The following KCNIP4 variants were observed in gnomAD, a reference collection of about 807,000 sequenced individuals.
KCNIP4 encodes the protein Kv channel-interacting protein 4.
A neutral mutation model predicts 34.0 loss-of-function variants in KCNIP4; 12 were observed. That is an observed-to-expected ratio of 0.35 (90% CI 0.23 to 0.57). The LOEUF is 0.57. KCNIP4 is among the 20% of genes least tolerant of loss of function. The probability of loss-of-function intolerance (pLI) is 0.83; values close to 1 mark genes in which losing one functional copy is unlikely to be tolerated. For missense variants in KCNIP4, 238 were observed against 311.7 expected, an observed-to-expected ratio of 0.76 and a Z score of 1.78; for synonymous variants, 124 against 102.2, an observed-to-expected ratio of 1.21 and a Z score of -1.29.
intron 1 of KCNIP4, among the ~76,000 whole-genome samples, chr4:21,492,003 G>C (rs986121866): frequency 6.6e-6 from 1 of 152,136 alleles, no homozygotes; most frequent in African/African-American, 2.4e-5. Flanking sequence ...CTTAGAAGTG[G>C]CCATTTTACC....
intron 1 of KCNIP4, among the ~76,000 whole-genome samples, chr4:21,319,304 C>G (rs1714128276): frequency 6.6e-6 from 1 of 152,220 alleles, no homozygotes; most frequent in Non-Finnish European, 1.5e-5. Flanking sequence ...TCAGAATGGA[C>G]TTAAGGAATA....
chr4:20,978,051 G>A (rs1047083776), intron 1 of KCNIP4, among the ~76,000 whole-genome samples: 8 of 152,114 alleles, frequency 5.3e-5, no homozygotes, highest in Non-Finnish European at 8.8e-5. Flanking sequence ...AAATCTAAAC[G>A]TTTTTCCAGT....
intron 1 of KCNIP4, among the ~76,000 whole-genome samples, chr4:21,025,558 T>TTG (rs1740476136): frequency 8.3e-6 from 1 of 120,976 alleles, no homozygotes; most frequent in African/African-American, 3.6e-5. Context: ...TTTTTTTTTT[T>TTG]TTTTTTTTTT....
At chr4:21,456,463 T>C (rs972408359) in intron 1 of KCNIP4, among the ~76,000 whole-genome samples, 1 of 148,342 alleles carries the variant, frequency 6.7e-6, no homozygotes, top group African/African-American at 2.6e-5. Flanking sequence ...ATCAATGTAC[T>C]ACCCACCTAT....
chr4:21,762,952 A>C (rs1173716697), intron 1 of KCNIP4: 2 of 1,288,712 alleles, frequency 1.6e-6, no homozygotes, highest in Admixed American at 2.3e-5. Flanking sequence ...CCACTTCCGA[A>C]GTCTCCCTCT....
intron 3 of KCNIP4, among the ~76,000 whole-genome samples, chr4:20,767,664 G>A (rs1755531836): frequency 6.6e-6 from 1 of 152,032 alleles, no homozygotes; most frequent in South Asian, 2.1e-4. Context: ...TTATAATATT[G>A]TCCACTCCAA....
chr4:21,781,294 C>T (rs1446204197), intron 1 of KCNIP4, among the ~76,000 whole-genome samples: 1 of 152,106 alleles, frequency 6.6e-6, no homozygotes, highest in Non-Finnish European at 1.5e-5. Context: ...CTTTCACCTT[C>T]TGCCATAATT....
At chr4:21,719,998 A>AAGG in intron 1 of KCNIP4, among the ~76,000 whole-genome samples, 1 of 84,284 alleles carries the variant, frequency 1.2e-5, no homozygotes, top group Non-Finnish European at 2.1e-5. Flanking sequence ...GGAAGAAGAA[A>AAGG]AGAAAAAGAA....
chr4:21,510,207 C>A (rs1487288847), intron 1 of KCNIP4, among the ~76,000 whole-genome samples: 1 of 150,800 alleles, frequency 6.6e-6, no homozygotes, highest in Non-Finnish European at 1.5e-5. Flanking sequence ...GCCTGTACTT[C>A]AAAAAAAACT....
At chr4:21,845,458 T>C (rs905471708) in intron 1 of KCNIP4, 3 of 152,088 alleles carry the variant, frequency 2.0e-5, no homozygotes, top group Non-Finnish European at 4.4e-5. Flanking sequence ...CAAGAACAGG[T>C]GGTGGGCCAG....
At chr4:21,680,594 C>G (rs186071023) in intron 1 of KCNIP4, among the ~76,000 whole-genome samples, 1 of 152,140 alleles carries the variant, frequency 6.6e-6, no homozygotes, top group African/African-American at 2.4e-5. Context: ...ATGAAAAGTG[C>G]TTCTTCAGTA....
intron 1 of KCNIP4, among the ~76,000 whole-genome samples, chr4:21,198,365 T>C (rs574489392): frequency 1.3e-5 from 2 of 152,292 alleles, no homozygotes; most frequent in Admixed American, 6.5e-5. Context: ...CATAATTTAA[T>C]TGGGAGGGTA....
At chr4:20,918,500 CCT>C (rs948411413) in intron 1 of KCNIP4, among the ~76,000 whole-genome samples, 10 of 151,922 alleles carry the variant, frequency 6.6e-5, no homozygotes, top group Admixed American at 2.0e-4. Context: ...CATTTTATTT[CCT>C]CTGAGAAGAT....
chr4:21,550,585 C>G (rs1251892492), intron 1 of KCNIP4, among the ~76,000 whole-genome samples: 2 of 152,054 alleles, frequency 1.3e-5, no homozygotes, highest in African/African-American at 4.8e-5. Flanking sequence ...TCCTTAAAGG[C>G]TGATAGCATC....
At chr4:21,754,574 A>T (rs1717379629) in intron 1 of KCNIP4, among the ~76,000 whole-genome samples, 1 of 152,192 alleles carries the variant, frequency 6.6e-6, no homozygotes, top group African/African-American at 2.4e-5. Context: ...CCAATACATA[A>T]GCAGTGAAAC....
intron 1 of KCNIP4, among the ~76,000 whole-genome samples, chr4:21,549,550 C>A (rs149076475): frequency 1.7e-4 from 26 of 151,968 alleles, no homozygotes; most frequent in Admixed American, 1.7e-3. Context: ...TCACTAGAAG[C>A]CAAGCAGATG....
Position 21,305,272 on chromosome 4 carries a change from A to T in KCNIP4, c.62-422563T>A, listed in dbSNP as rs140970342. Among the ~76,000 whole-genome samples, 66 of 152,280 alleles carry T rather than the reference A, an allele frequency of 4.3e-4. 1 individual carries two copies. Among genetic ancestry groups the T allele is most frequent in the African/African-American group, 1.5e-3 (64 of 41,560 alleles). Reference sequence around the variant, plus strand: ...TGAGGCAGTGGAGTATAAGTTTAGAATATAAACTCCAGGGACAGACTGCTG... The same window carrying T: ...TGAGGCAGTGGAGTATAAGTTTAGATTATAAACTCCAGGGACAGACTGCTG... On this transcript the variant is annotated intron_variant, in intron 1 of 8. Transcript: ENST00000382152.
intron 1 of KCNIP4, among the ~76,000 whole-genome samples, chr4:21,309,732 G>A (rs1175407167): frequency 6.6e-6 from 1 of 152,100 alleles, no homozygotes; most frequent in Non-Finnish European, 1.5e-5. Flanking sequence ...TCCAGCTCGG[G>A]ATTGAAACCC....
At chr4:21,185,325 G>T (rs372460048) in intron 1 of KCNIP4, among the ~76,000 whole-genome samples, 3 of 151,658 alleles carry the variant, frequency 2.0e-5, no homozygotes, top group African/African-American at 7.3e-5. Context: ...TTGGAATTTC[G>T]TCAGGAGTTT....
Sources: allele counts gnomAD v4.1 joint callset (sites outside exome capture counted in the v4.1 genomes callset), GRCh38; gene constraint gnomAD v4.1.1; transcripts MANE v1.5; gene names NCBI Gene and HGNC (gene_info 2026-07-23, HGNC 2026-07-21).